Variants in UPP2 observed in about 807,000 individuals in gnomAD.
The protein encoded by UPP2 is uridine phosphorylase 2, also known as UPase 2.
UPP2 carries 23 observed loss-of-function variants against 26.7 expected under a neutral mutation model. That is an observed-to-expected ratio of 0.86 (90% CI 0.62 to 1.22). The LOEUF (loss-of-function observed/expected upper bound fraction) is 1.22. Among genes scored for constraint, UPP2 ranks in the 50% most tolerant of loss-of-function variants. The probability of loss-of-function intolerance (pLI) is 0.00; values close to 1 mark genes in which losing one functional copy is unlikely to be tolerated. For missense variants in UPP2, 387 were observed against 396.7 expected, an observed-to-expected ratio of 0.98 and a Z score of 0.21; for synonymous variants, 127 against 141.3, an observed-to-expected ratio of 0.90 and a Z score of 0.72.
At position 158,038,317 on chromosome 2, in the gene UPP2, G is replaced by T. The variant is rs370039445; in HGVS notation, c.147+22431G>T. 2.6e-4 allele frequency among the ~76,000 whole-genome samples: 40 copies of T among 152,318 alleles called. 1 individual carries two copies. In the South Asian group the frequency reaches 3.5e-3, roughly 13 times the overall value. On this transcript the variant is annotated intron_variant, in intron 3 of 9. Transcript: ENST00000605860. ...TCCACAGAGGTTAAAGTGATGTGAG[G>T]CTGATTTGTTAAAAGTGTTGTGTCT...
At position 158,129,755 on chromosome 2, in the gene UPP2, G is replaced by A. The variant is rs184896605; in HGVS notation, c.812-4993G>A. Among the ~76,000 whole-genome samples, 750 of 150,278 alleles carry A rather than the reference G, an allele frequency of 5.0e-3. 10 individuals are homozygous for A. The Middle Eastern group carries it at 0.052, about 10-fold the overall frequency. ...GGCATTTATTTAAGGAAATAGATAG[G>A]AAGGTTTTTTTTTGTTTGTTTTTTT... On this transcript the variant is annotated intron_variant, in intron 6 of 6. Transcript: ENST00000005756.
At chr2:158,075,548 C>T (rs1052975754) in intron 3 of UPP2, among the ~76,000 whole-genome samples, 2 of 151,910 alleles carry the variant, frequency 1.3e-5, no homozygotes, top group South Asian at 2.1e-4. Context: ...TTGACAACTG[C>T]ACAAATACAT....
intron 3 of UPP2, among the ~76,000 whole-genome samples, chr2:158,078,116 C>T (rs1306895131): frequency 6.6e-6 from 1 of 151,988 alleles, no homozygotes; most frequent in African/African-American, 2.4e-5. Flanking sequence ...GGCTTTTATT[C>T]AAATGACAGC....
At chr2:158,093,449 A>G (rs969320091) in intron 3 of UPP2, among the ~76,000 whole-genome samples, 1 of 152,202 alleles carries the variant, frequency 6.6e-6, no homozygotes, top group South Asian at 2.1e-4. Context: ...ACATAATGAC[A>G]TGGAAAGTTT....
intron 2 of UPP2, among the ~76,000 whole-genome samples, chr2:158,007,521 G>A (rs896350397): frequency 8.5e-5 from 13 of 152,170 alleles, no homozygotes; most frequent in Admixed American, 8.5e-4. Flanking sequence ...ATGTCATTGT[G>A]AAGTGCTCTC....
chr2:158,075,547 G>T (rs2105190599), intron 3 of UPP2, among the ~76,000 whole-genome samples: 1 of 151,948 alleles, frequency 6.6e-6, no homozygotes, highest in South Asian at 2.1e-4. Context: ...TTTGACAACT[G>T]CACAAATACA....
intron 2 of UPP2, among the ~76,000 whole-genome samples, chr2:158,001,541 C>A (rs773743826): frequency 6.6e-6 from 1 of 152,108 alleles, no homozygotes; most frequent in South Asian, 2.1e-4. Flanking sequence ...TGCAAAAGAG[C>A]CTGTTTATAC....
chr2:158,015,326 C>A (rs1041473068), intron 2 of UPP2, among the ~76,000 whole-genome samples: 2 of 152,214 alleles, frequency 1.3e-5, no homozygotes, highest in African/African-American at 4.8e-5. Context: ...TAAGTGGAAT[C>A]ATACAGTATT....
chr2:158,045,200 A>G (rs1440865178), intron 3 of UPP2, among the ~76,000 whole-genome samples: 2 of 152,206 alleles, frequency 1.3e-5, no homozygotes, highest in African/African-American at 4.8e-5. Context: ...TTCAGGAACT[A>G]ACTTGGATGA....
chr2:158,078,300 G>A (rs918012040), intron 3 of UPP2, among the ~76,000 whole-genome samples: 12 of 152,066 alleles, frequency 7.9e-5, no homozygotes, highest in Admixed American at 3.3e-4. Flanking sequence ...CAAAAGAAAA[G>A]AAATCAGTAT....
chr2:158,100,439 T>A (rs1203169020), upstream of UPP2, among the ~76,000 whole-genome samples: 1 of 152,196 alleles, frequency 6.6e-6, no homozygotes. Context: ...CAGAGGTAAA[T>A]GCCAGATTGA....
At chr2:158,060,144 A>C (rs892680644) in intron 3 of UPP2, among the ~76,000 whole-genome samples, 5 of 152,118 alleles carry the variant, frequency 3.3e-5, no homozygotes, top group Admixed American at 6.5e-5. Flanking sequence ...ACTTGTGTTC[A>C]ACCTGAAGGT....
intron 3 of UPP2, among the ~76,000 whole-genome samples, chr2:158,085,234 T>C (rs1429230535): frequency 6.6e-6 from 1 of 152,134 alleles, no homozygotes; most frequent in Non-Finnish European, 1.5e-5. Context: ...TTCCTAAGTA[T>C]TACATTATAT....
chr2:158,054,250 C>T (rs1027081037), intron 3 of UPP2, among the ~76,000 whole-genome samples: 1 of 151,706 alleles, frequency 6.6e-6, no homozygotes, highest in Non-Finnish European at 1.5e-5. Flanking sequence ...AGAGTGAGAC[C>T]CTGTCTCAAG....
chr2:158,098,118 T>G (rs1324753756), upstream of UPP2, among the ~76,000 whole-genome samples: 2 of 151,818 alleles, frequency 1.3e-5, no homozygotes, highest in Non-Finnish European at 2.9e-5. Flanking sequence ...CAGAGAGAAC[T>G]CAGGATAGGA....
chr2:158,054,630 G>A (rs1390759350), intron 3 of UPP2, among the ~76,000 whole-genome samples: 3 of 152,068 alleles, frequency 2.0e-5, no homozygotes, highest in Non-Finnish European at 4.4e-5. Flanking sequence ...TGTACTAAGG[G>A]CTTGCTGGGA....
At chr2:158,110,928 A>C (rs146625474) in intron 2 of UPP2, among the ~76,000 whole-genome samples, 2 of 152,128 alleles carry the variant, frequency 1.3e-5, no homozygotes, top group Non-Finnish European at 2.9e-5. Context: ...AGATAAGTAG[A>C]TTGCAAAAAT....
chr2:158,036,992 T>G (rs1034449695), intron 3 of UPP2, among the ~76,000 whole-genome samples: 3 of 152,146 alleles, frequency 2.0e-5, no homozygotes, highest in Admixed American at 6.5e-5. Flanking sequence ...AAGTTTCCTA[T>G]CTTCAAGTTC....
At chr2:158,035,226 C>T (rs1683982086) in intron 3 of UPP2, among the ~76,000 whole-genome samples, 1 of 150,246 alleles carries the variant, frequency 6.7e-6, no homozygotes, top group Admixed American at 6.6e-5. Flanking sequence ...GGTGCGATTT[C>T]AGCTCACTGC....
Sources: gnomAD v4.1 joint callset for allele counts (sites outside exome capture counted in the v4.1 genomes callset) on GRCh38, gnomAD v4.1.1 for gene constraint, MANE v1.5 for transcripts, NCBI Gene and HGNC (gene_info 2026-07-23, HGNC 2026-07-21) for gene names.